KLHDC10: variants seen among roughly 807,000 people sequenced by gnomAD.
The protein encoded by KLHDC10 is kelch domain containing 10, also known as kelch domain-containing protein 10.
Under a neutral mutation model 56.1 loss-of-function variants are expected in KLHDC10, and 24 were observed. The observed-to-expected ratio is 0.43, with a 90% CI of 0.31 to 0.60. KLHDC10 has a LOEUF of 0.60. Ranked by LOEUF, KLHDC10 falls within the 20% of genes least tolerant of loss-of-function variation. KLHDC10 has a pLI of 0.11. For synonymous variants in KLHDC10, 188 were observed against 207.1 expected, an observed-to-expected ratio of 0.91 and a Z score of 0.79; for missense variants, 349 against 567.0, an observed-to-expected ratio of 0.62 and a Z score of 3.91.
intron 4 of KLHDC10, among the ~76,000 whole-genome samples, chr7:130,121,421 T>C (rs1796246942): frequency 1.3e-5 from 2 of 152,220 alleles, no homozygotes; most frequent in African/African-American, 4.8e-5. Context: ...CCACCATACA[T>C]CAGAGACTCT....
At position 130,120,780 on chromosome 7, in the gene KLHDC10, T is replaced by G; in HGVS notation, c.507T>G (p.Phe169Leu). Residue 169 changes from phenylalanine to leucine, a missense_variant, in exon 4 of 10, where the codon TTT becomes TTG. This residue lies in a region of KLHDC10 where 245 missense variants were observed against 470.1 expected (regional missense o/e 0.52). Transcript: ENST00000335420. The surrounding 1 kb of genome is among the most constrained non-coding windows in gnomAD (Gnocchi z 5.1). ...LVLHGNNLLV[F>L]GGTGIPFGES... Reference sequence around the variant, plus strand: ...TGCATGGAAACAACCTGTTAGTATTTGGAGGTACGGGCATCCCATTTGGAG... The same window carrying G: ...TGCATGGAAACAACCTGTTAGTATTGGGAGGTACGGGCATCCCATTTGGAG... 6.2e-7 allele frequency: 1 copy of G among 1,614,144 alleles called. No individual in the cohort carries two copies. Among genetic ancestry groups the G allele is most frequent in the Non-Finnish European group, 8.5e-7 (1 of 1,179,992 alleles).
intron 1 of KLHDC10, among the ~76,000 whole-genome samples, chr7:130,075,880 TAGATA>T (rs1240080772): frequency 6.6e-6 from 1 of 152,214 alleles, no homozygotes; most frequent in Non-Finnish European, 1.5e-5. Context: ...TTCCAATAGG[TAGATA>T]AAAGAGCCAT....
intron 2 of KLHDC10, among the ~76,000 whole-genome samples, chr7:130,099,377 C>T (rs900339303): frequency 1.3e-5 from 2 of 152,172 alleles, no homozygotes; most frequent in African/African-American, 2.4e-5. Context: ...AATAGAGAAT[C>T]AGGTAAACAG....
chr7:130,093,368 T>A (rs1029557322), intron 1 of KLHDC10, among the ~76,000 whole-genome samples: 1 of 151,966 alleles, frequency 6.6e-6, no homozygotes, highest in Non-Finnish European at 1.5e-5. Context: ...GGACTACAGG[T>A]GCATGACACC....
intron 1 of KLHDC10, among the ~76,000 whole-genome samples, chr7:130,078,952 T>C (rs1795557692): frequency 6.6e-6 from 1 of 152,258 alleles, no homozygotes; most frequent in Admixed American, 6.5e-5. Context: ...TTTTAATGCT[T>C]TCCTATTAAG....
Position 130,117,867 on chromosome 7 carries a change from A to G in KLHDC10, c.475+1201A>G, listed in dbSNP as rs532157716. Among the ~76,000 whole-genome samples, 1,197 of 149,168 alleles carry G rather than the reference A, an allele frequency of 8.0e-3. 6 individuals are homozygous for G. Among genetic ancestry groups the G allele is most frequent in the Non-Finnish European group, 0.013 (875 of 67,226 alleles). ...CCTGTCTCAAAAAAAAAAAAAAAAA[A>G]AAAAAAAGAAAAAGAGGCCGGGCAT... On this transcript the variant is annotated intron_variant, in intron 3 of 9. Coordinates refer to ENST00000335420, the MANE Select transcript of KLHDC10 (RefSeq NM_014997.4).
In KLHDC10 at chr7:130,106,063, C is replaced by T. The variant is rs1411378774; in HGVS notation, c.253+9056C>T. ...ACTCGGGAGACTGAGACAGGAGAAT[C>T]GCTTGAACCTGGGAGGCGGAGGCAG... On this transcript the variant is annotated intron_variant, in intron 2 of 9. Coordinates refer to ENST00000335420, the MANE Select transcript of KLHDC10 (RefSeq NM_014997.4). 3.3e-5 allele frequency among the ~76,000 whole-genome samples: 5 copies of T among 152,068 alleles called. No homozygotes were observed. In the South Asian group the frequency reaches 8.3e-4, roughly 25 times the overall value.
intron 2 of KLHDC10, among the ~76,000 whole-genome samples, chr7:130,115,680 A>ACT (rs1440153787): frequency 7.2e-6 from 1 of 138,146 alleles, no homozygotes; most frequent in African/African-American, 2.8e-5. Context: ...GCGCCACTGC[A>ACT]CTCCAGCCTG....
At chr7:130,075,753 G>A (rs897550403) in intron 1 of KLHDC10, among the ~76,000 whole-genome samples, 2 of 152,160 alleles carry the variant, frequency 1.3e-5, no homozygotes, top group African/African-American at 4.8e-5. Flanking sequence ...CAAATTTCAA[G>A]TTTATGTTTC....
intron 2 of KLHDC10, among the ~76,000 whole-genome samples, chr7:130,109,001 G>A (rs1796062091): frequency 6.6e-6 from 1 of 151,824 alleles, no homozygotes; most frequent in Non-Finnish European, 1.5e-5. Context: ...TGCAGCCTCC[G>A]CCTCCGGGGT....
chr7:130,135,319 A>C lies in KLHDC10; in HGVS notation c.*4573A>C, dbSNP rs777530496. The stretch of plus-strand genomic sequence containing the variant: ...TGCACAGAGTCTGCACAGGGAGAGC[A>C]CAGGCATCTCCCTGGAAAAGCACCT... On this transcript the variant is annotated 3_prime_UTR_variant, in exon 10 of 10. Transcript: ENST00000335420. 2.6e-5 allele frequency: 4 copies of C among 154,378 alleles called. No homozygotes were observed. Among genetic ancestry groups the C allele is most frequent in the Non-Finnish European group, 4.4e-5 (3 of 68,208 alleles). The allele number at this position is 154,378 out of a possible 1,614,324, so 9.6% of individuals were successfully genotyped here. A position where few individuals can be genotyped will look rare whatever the true frequency, so the allele number is the denominator to read the frequency against.
chr7:130,107,281 T>G, intron 2 of KLHDC10, among the ~76,000 whole-genome samples: 1 of 152,052 alleles, frequency 6.6e-6, no homozygotes, highest in East Asian at 1.9e-4. Context: ...AAAAAAGAAG[T>G]ACACATATTG....
intron 1 of KLHDC10, among the ~76,000 whole-genome samples, chr7:130,081,464 G>A (rs944441692): frequency 2.0e-5 from 3 of 151,880 alleles, no homozygotes; most frequent in Non-Finnish European, 2.9e-5. Flanking sequence ...GATTACAGGC[G>A]CACGCTGCCA....
intron 1 of KLHDC10, 141 bp downstream of exon 1, chr7:130,070,950 G>C (rs1352246073): frequency 2.0e-6 from 1 of 507,572 alleles, no homozygotes; most frequent in Non-Finnish European, 3.1e-6. Flanking sequence ...TCAGAGAAAA[G>C]GGAAGGTGTC....
At chr7:130,103,017 G>A (rs1795955122) in intron 2 of KLHDC10, among the ~76,000 whole-genome samples, 1 of 152,116 alleles carries the variant, frequency 6.6e-6, no homozygotes, top group Non-Finnish European at 1.5e-5. Context: ...AAGACCTACA[G>A]ATAGAAAGTA....
At chr7:130,126,123 C>G (rs530882829) in intron 7 of KLHDC10, among the ~76,000 whole-genome samples, 192 bp downstream of exon 7, 1 of 151,602 alleles carries the variant, frequency 6.6e-6, no homozygotes, top group East Asian at 2.0e-4. Context: ...TGAGACCAGC[C>G]CAAGCAACAT....
chr7:130,108,182 C>T (rs1421337288), intron 2 of KLHDC10, among the ~76,000 whole-genome samples: 1 of 151,848 alleles, frequency 6.6e-6, no homozygotes, highest in Non-Finnish European at 1.5e-5. Context: ...GAGCCGAAAT[C>T]GCGCCACTGT....
At chr7:130,074,430 G>T (rs2116830123) in intron 1 of KLHDC10, among the ~76,000 whole-genome samples, 1 of 152,122 alleles carries the variant, frequency 6.6e-6, no homozygotes, top group South Asian at 2.1e-4. Flanking sequence ...CTCTTGAGAT[G>T]TATGTGCGTA....
At position 130,115,062 on chromosome 7, in the gene KLHDC10, C is replaced by G. The variant is rs143088521; in HGVS notation, c.254-1383C>G. 3.3e-4 allele frequency among the ~76,000 whole-genome samples: 50 copies of G among 152,274 alleles called. 2 individuals carry two copies. The East Asian group carries it at 8.3e-3, about 25-fold the overall frequency. ...GTTGCTCTCAATCTGTGCACAATTT[C>G]AGCTCTGGTTTAAAAATATAACCTT... On this transcript the variant is annotated intron_variant, in intron 2 of 9. Coordinates refer to ENST00000335420, the MANE Select transcript of KLHDC10 (RefSeq NM_014997.4).
Sources: gnomAD v4.1 joint callset for allele counts (sites outside exome capture counted in the v4.1 genomes callset) on GRCh38, gnomAD v4.1.1 for gene constraint, gnomAD v4.1.1 regional missense constraint, Gnocchi (gnomAD v3.1) non-coding constraint, MANE v1.5 for transcripts, NCBI Gene and HGNC (gene_info 2026-07-23, HGNC 2026-07-21) for gene names.